Variants in DHX37 observed in about 807,000 individuals in gnomAD.
The protein encoded by DHX37 is probable ATP-dependent RNA helicase DHX37.
DHX37 carries 52 observed loss-of-function variants against 134.3 expected under a neutral mutation model. That is an observed-to-expected ratio of 0.39 (90% CI 0.31 to 0.49). The LOEUF (loss-of-function observed/expected upper bound fraction) is 0.49. DHX37 is among the 20% of genes least tolerant of loss of function. The pLI is 0.93. For missense variants in DHX37, 1,344 were observed against 1,580.8 expected (o/e 0.85, Z 2.54); for synonymous variants, 634 against 670.7 (o/e 0.95, Z 0.85).
chr12:124,950,848 C>T (rs984513157), intron 21 of DHX37, 44 bp from the exon 22 acceptor site: 4 of 1,529,390 alleles, frequency 2.6e-6, no homozygotes, highest in Non-Finnish European at 3.5e-6. Context: ...GAACCCATGC[C>T]CAGGGGCTCC....
intron 14 of DHX37, 33 bp from the exon 15 acceptor site, chr12:124,964,659 C>A (rs755175517): frequency 1.7e-5 from 27 of 1,604,704 alleles, no homozygotes; most frequent in Non-Finnish European, 2.2e-5. Flanking sequence ...CAGGAAAACA[C>A]CAGAATCAGA....
chr12:124,982,672 T>C (rs1265048866), intron 2 of DHX37, 49 bp from the exon 3 acceptor site: 1 of 1,595,096 alleles, frequency 6.3e-7, no homozygotes, highest in Non-Finnish European at 8.6e-7. Flanking sequence ...CGACCCTCTC[T>C]TAAGAAGGGA....
chr12:124,953,784 G>T, intron 20 of DHX37, 96 bp downstream of exon 20: 1 of 1,506,124 alleles, frequency 6.6e-7, no homozygotes, highest in Non-Finnish European at 8.9e-7. Flanking sequence ...TAGCAAGTTT[G>T]CAAACGTGGA....
At chr12:124,956,918 G>T in intron 17 of DHX37, 39 bp from the exon 18 acceptor site, 3 of 1,553,046 alleles carry the variant, frequency 1.9e-6, no homozygotes, top group Non-Finnish European at 2.6e-6. Context: ...TCTGAGAGGA[G>T]CTCTGGAGCC....
At chr12:124,953,739 G>C in intron 20 of DHX37, 141 bp downstream of exon 20, 1 of 1,368,826 alleles carries the variant, frequency 7.3e-7, no homozygotes, top group Non-Finnish European at 9.7e-7. Context: ...AGCTCCCCAA[G>C]TATTGATTTA....
intron 16 of DHX37, 119 bp from the exon 17 acceptor site, chr12:124,957,254 G>A: frequency 4.3e-6 from 4 of 934,152 alleles, no homozygotes; most frequent in Non-Finnish European, 5.9e-6. Context: ...GCTCATGCCA[G>A]TGGGGACACA....
chr12:124,969,104 G>T (rs1481548588), intron 8 of DHX37, 136 bp from the exon 9 acceptor site: 2 of 803,296 alleles, frequency 2.5e-6, no homozygotes, highest in Non-Finnish European at 3.9e-6. Flanking sequence ...GATGCCAAAG[G>T]CTCCTTGGAG....
intron 3 of DHX37, 36 bp downstream of exon 3, chr12:124,982,475 G>A: frequency 6.2e-7 from 1 of 1,609,910 alleles, no homozygotes; most frequent in Non-Finnish European, 8.5e-7. Context: ...GGGCCCTGGA[G>A]GGAGGGCAGG....
chr12:124,967,086 G>A (rs1954404872), intron 11 of DHX37, 37 bp downstream of exon 11: 1 of 1,607,438 alleles, frequency 6.2e-7, no homozygotes, highest in South Asian at 1.1e-5. Context: ...AAGCCCAGCT[G>A]CTCAGGGCAG....
chr12:124,978,385 T>C (rs1473988671), intron 4 of DHX37, among the ~76,000 whole-genome samples: 2 of 151,316 alleles, frequency 1.3e-5, no homozygotes, highest in Non-Finnish European at 2.9e-5. Context: ...TAGTGTGATC[T>C]TGGCTCACTG....
chr12:124,973,963 T>C lies in DHX37; in HGVS notation c.981-1364A>G, dbSNP rs570525596. Among the ~76,000 whole-genome samples, 10 of 148,730 alleles carry C rather than the reference T, an allele frequency of 6.7e-5. 1 individual carries two copies. The highest frequency in any genetic ancestry group is 5.4e-4 in the Admixed American group (8 of 14,932). ...CAGTCCCCAAATTTTTTTTTTTTTT[T>C]CTGAGACGGAGTCTCGCTCTTTCGC... On this transcript the variant is annotated intron_variant, in intron 6 of 26. Coordinates refer to ENST00000308736, the MANE Select transcript of DHX37 (RefSeq NM_032656.4).
chr12:124,954,228 A>G lies in DHX37; in HGVS notation c.2454-17T>C, dbSNP rs1232366016. 3.8e-6 allele frequency: 6 copies of G among 1,560,002 alleles called. No individual in the cohort carries two copies. The African/African-American group carries it at 8.2e-5, about 21-fold the overall frequency. ...GCCGCTGGTCTGCAAACACACATAC[A>G]TACTGTCTGGGCTGGGGCCTCGGCT... is the stretch of plus-strand genomic sequence containing the variant. On this transcript the variant is annotated splice_polypyrimidine_tract_variant and intron_variant, in intron 18 of 26. Coordinates refer to ENST00000308736, the MANE Select transcript of DHX37 (RefSeq NM_032656.4).
At chr12:124,983,418 T>TACACATACAC (rs1555214676) in intron 2 of DHX37, among the ~76,000 whole-genome samples, 1 of 148,106 alleles carries the variant, frequency 6.8e-6, no homozygotes, top group African/African-American at 2.5e-5. Context: ...ATGTGTGTAT[T>TACACATACAC]ACACACACAC....
Position 124,947,857 on chromosome 12 carries a change from G to A in DHX37, c.3419C>T (p.Pro1140Leu). The part of the protein sequence containing the change: ...YLLAEYCEWL[P>L]QAMHPDIEKA... Reference sequence around the variant, plus strand: ...CTCGATATCGGGGTGCATGGCCTGTGGAAGCCACTCACAGTACTCAGCCAG... The same window carrying A: ...CTCGATATCGGGGTGCATGGCCTGTAGAAGCCACTCACAGTACTCAGCCAG... Residue 1140 changes from proline to leucine, a missense_variant, in exon 27 of 27, where the codon CCA becomes CTA. Pro to Leu is a moderately conservative substitution (Grantham distance 98). Around this residue, in one of 7 missense-constraint regions of DHX37, gnomAD observed 558 missense variants for 650.0 expected, o/e 0.86. Transcript: ENST00000308736. 1 of 1,609,286 alleles carries A rather than the reference G, an allele frequency of 6.2e-7. No individual in the cohort carries two copies.
intron 21 of DHX37, among the ~76,000 whole-genome samples, chr12:124,951,700 G>A (rs1454626300): frequency 6.6e-6 from 1 of 152,182 alleles, no homozygotes; most frequent in Non-Finnish European, 1.5e-5. Context: ...AGACTAGCCT[G>A]GGTAACACTG....
rs771174000 is a variant in DHX37, at chr12:124,954,004, A to G, written c.2579-8T>C. The G allele has an allele frequency of 5.6e-6, 9 of 1,613,368 alleles. No individual in the cohort carries two copies. The Admixed American group carries it at 1.5e-4, about 27-fold the overall frequency. On this transcript the variant is annotated splice_region_variant and splice_polypyrimidine_tract_variant and intron_variant, in intron 19 of 26. Coordinates refer to ENST00000308736, the MANE Select transcript of DHX37 (RefSeq NM_032656.4). ...CACAGGCTCCCACGGCGCCTGGGGA[A>G]CGAAGAGGGGGCATGCTCTCTCTCT...
At position 124,949,709 on chromosome 12, in the gene DHX37, G is replaced by A. The variant is rs1953935653; in HGVS notation, c.3290+277C>T. ...GGTGTCCTTATAAGGAGAACACAGG[G>A]AGGGAGACTAAAGACACACAGAGAG... On this transcript the variant is annotated intron_variant, in intron 25 of 26. Coordinates refer to ENST00000308736, the MANE Select transcript of DHX37 (RefSeq NM_032656.4). The surrounding 1 kb of genome is among the most constrained non-coding windows in gnomAD (Gnocchi z 4.0). Among the ~76,000 whole-genome samples the A allele has an allele frequency of 6.6e-6, 1 of 152,160 alleles. No homozygotes were observed. Among genetic ancestry groups the A allele is most frequent in the African/African-American group, 2.4e-5 (1 of 41,450 alleles).
intron 20 of DHX37, chr12:124,953,590 A>C: frequency 2.4e-6 from 1 of 425,408 alleles, no homozygotes; most frequent in South Asian, 2.3e-5. Context: ...GGTCCAGGCC[A>C]CAGCGGTGAT....
intron 4 of DHX37, among the ~76,000 whole-genome samples, chr12:124,979,939 C>A (rs1273284725): frequency 6.6e-6 from 1 of 152,206 alleles, no homozygotes; most frequent in Non-Finnish European, 1.5e-5. Context: ...CATTCAACGG[C>A]CAACATTACT....
Sources: gnomAD v4.1 joint callset for allele counts (sites outside exome capture counted in the v4.1 genomes callset) on GRCh38, gnomAD v4.1.1 for gene constraint, gnomAD v4.1.1 regional missense constraint, Gnocchi (gnomAD v3.1) non-coding constraint, MANE v1.5 for transcripts, NCBI Gene and HGNC (gene_info 2026-07-23, HGNC 2026-07-21) for gene names.